The following CDH18 variants were observed in gnomAD, a reference collection of about 807,000 sequenced individuals.
CDH18 encodes the protein cadherin-18.
A neutral mutation model predicts 67.9 loss-of-function variants in CDH18; 31 were observed. That is an observed-to-expected ratio of 0.46 (90% CI 0.34 to 0.62). CDH18 has a LOEUF of 0.62. Ranked by LOEUF, CDH18 falls within the 20% of genes least tolerant of loss-of-function variation. The probability of loss-of-function intolerance (pLI) is 0.01; values close to 1 mark genes in which losing one functional copy is unlikely to be tolerated. For missense variants in CDH18, 890 were observed against 975.5 expected, an observed-to-expected ratio of 0.91 and a Z score of 1.17; for synonymous variants, 362 against 347.2, an observed-to-expected ratio of 1.04 and a Z score of -0.48.
intron 2 of CDH18, among the ~76,000 whole-genome samples, chr5:20,233,547 T>C (rs928506656): frequency 6.6e-6 from 1 of 152,076 alleles, no homozygotes; most frequent in Non-Finnish European, 1.5e-5. Flanking sequence ...GTATGTAATG[T>C]TCCTATTTGC....
intron 2 of CDH18, among the ~76,000 whole-genome samples, chr5:20,102,771 T>C (rs1252962855): frequency 1.3e-5 from 2 of 151,900 alleles, no homozygotes; most frequent in African/African-American, 4.8e-5. Context: ...GAGGTGAAGA[T>C]GAAAAGGATT....
intron 1 of CDH18, among the ~76,000 whole-genome samples, chr5:20,378,212 C>T (rs1016723327): frequency 1.3e-5 from 2 of 152,140 alleles, no homozygotes; most frequent in East Asian, 1.9e-4. Context: ...CTCCCGCTGT[C>T]GTCCAAGCTG....
intron 3 of CDH18, among the ~76,000 whole-genome samples, chr5:19,776,158 T>C (rs972519326): frequency 5.3e-5 from 8 of 152,116 alleles, no homozygotes; most frequent in African/African-American, 1.9e-4. Context: ...GATCAAAATT[T>C]TAGTGAATGG....
At chr5:19,626,666 A>G (rs1475079754) in intron 5 of CDH18, among the ~76,000 whole-genome samples, 2 of 152,014 alleles carry the variant, frequency 1.3e-5, no homozygotes, top group Non-Finnish European at 2.9e-5. Flanking sequence ...TGCCCTCACA[A>G]CACTGACATT....
chr5:19,625,386 C>T (rs1430929158), intron 5 of CDH18, among the ~76,000 whole-genome samples: 1 of 151,578 alleles, frequency 6.6e-6, no homozygotes, highest in Non-Finnish European at 1.5e-5. Context: ...ACTGTGTTTT[C>T]ATTGCTGTGC....
intron 3 of CDH18, among the ~76,000 whole-genome samples, chr5:19,748,231 C>T (rs1770386704): frequency 6.7e-6 from 1 of 149,266 alleles, no homozygotes; most frequent in East Asian, 2.0e-4. Flanking sequence ...GATAAATAGG[C>T]TCTCATTTTA....
chr5:19,668,507 G>C (rs1027575544), intron 5 of CDH18, among the ~76,000 whole-genome samples: 1 of 152,018 alleles, frequency 6.6e-6, no homozygotes, highest in Non-Finnish European at 1.5e-5. Flanking sequence ...TAATTAAGAA[G>C]AGATAACTGT....
intron 6 of CDH18, among the ~76,000 whole-genome samples, chr5:19,595,559 G>A (rs1746039634): frequency 6.6e-6 from 1 of 152,190 alleles, no homozygotes; most frequent in Admixed American, 6.5e-5. Context: ...GGGAGGCAGA[G>A]GTTGCAGTGA....
chr5:20,447,966 A>G (rs924395454), intron 1 of CDH18, among the ~76,000 whole-genome samples: 1 of 151,862 alleles, frequency 6.6e-6, no homozygotes, highest in African/African-American at 2.4e-5. Context: ...GGTTTGTTAC[A>G]TATGTATACA....
At chr5:19,476,210 T>C (rs1374528401) in intron 12 of CDH18, among the ~76,000 whole-genome samples, 1 of 151,846 alleles carries the variant, frequency 6.6e-6, no homozygotes, top group African/African-American at 2.4e-5. Context: ...ACGTGTGAAA[T>C]GAAAAGATAT....
intron 2 of CDH18, among the ~76,000 whole-genome samples, chr5:19,940,037 C>G (rs917479488): frequency 6.6e-6 from 1 of 151,710 alleles, no homozygotes. Flanking sequence ...TGAATGTTTT[C>G]AATATTTGCA....
At chr5:20,424,368 A>G (rs2150164202) in intron 1 of CDH18, among the ~76,000 whole-genome samples, 1 of 150,982 alleles carries the variant, frequency 6.6e-6, no homozygotes, top group South Asian at 2.1e-4. Flanking sequence ...AATGTGAAGG[A>G]AAGAACAAGG....
chr5:20,430,975 C>T (rs1282863720), intron 1 of CDH18, among the ~76,000 whole-genome samples: 1 of 152,024 alleles, frequency 6.6e-6, no homozygotes, highest in African/African-American at 2.4e-5. Context: ...ATCTATTTCT[C>T]CTAATATATT....
At chr5:20,179,763 GA>G (rs1311538111) in intron 2 of CDH18, among the ~76,000 whole-genome samples, 1 of 152,082 alleles carries the variant, frequency 6.6e-6, no homozygotes, top group East Asian at 1.9e-4. Flanking sequence ...AAAATTCTTT[GA>G]ATCAGGGCCC....
At chr5:19,960,633 A>T (rs1796741072) in intron 2 of CDH18, among the ~76,000 whole-genome samples, 1 of 118,644 alleles carries the variant, frequency 8.4e-6, no homozygotes, top group South Asian at 2.2e-4. Flanking sequence ...ACACGTGTAT[A>T]TGTATACATA....
At chr5:20,256,977 T>C (rs1033205057) in intron 1 of CDH18, among the ~76,000 whole-genome samples, 6 of 99,610 alleles carry the variant, frequency 6.0e-5, no homozygotes, top group African/African-American at 1.7e-4. Flanking sequence ...TATCTATATC[T>C]ATATCTATAT....
intron 1 of CDH18, among the ~76,000 whole-genome samples, chr5:20,518,080 G>A (rs534727166): frequency 1.3e-5 from 2 of 152,098 alleles, no homozygotes; most frequent in South Asian, 2.1e-4. Context: ...ATCAGAGAGT[G>A]GGGAAATGTT....
chr5:20,376,091 A>ATTTTTTTTTTTTTTTTTTT (rs562655039), intron 1 of CDH18, among the ~76,000 whole-genome samples: 2,409 of 49,714 alleles, frequency 0.048, 956 homozygotes, highest in South Asian at 0.081. Flanking sequence ...AAAAGAAACA[A>ATTTTTTTTTTTTTTTTTTT]TTTTTTTTTT....
intron 2 of CDH18, among the ~76,000 whole-genome samples, chr5:20,093,751 G>A (rs930350009): frequency 8.5e-5 from 13 of 152,208 alleles, no homozygotes; most frequent in Admixed American, 5.9e-4. Flanking sequence ...TTTCTTTTCT[G>A]GGCCCTTGCC....
Sources: gnomAD v4.1 joint callset for allele counts (sites outside exome capture counted in the v4.1 genomes callset) on GRCh38, gnomAD v4.1.1 for gene constraint, MANE v1.5 for transcripts, NCBI Gene and HGNC (gene_info 2026-07-23, HGNC 2026-07-21) for gene names.